The following RARB variants were observed in gnomAD, a reference collection of about 807,000 sequenced individuals.
RARB encodes retinoic acid receptor beta.
A neutral mutation model predicts 51.9 loss-of-function variants in RARB; 17 were observed. The observed-to-expected ratio is 0.33, with a 90% CI of 0.22 to 0.49. The LOEUF is 0.49. Among genes scored for constraint, RARB ranks in the 20% least tolerant of loss-of-function variants. The probability of loss-of-function intolerance (pLI) is 0.99; values close to 1 mark genes in which losing one functional copy is unlikely to be tolerated. For missense variants in RARB, 369 were observed against 550.8 expected (o/e 0.67, Z 3.30); for synonymous variants, 215 against 195.4 (o/e 1.10, Z -0.84).
chr3:25,208,080 C>G (rs1445778958), intron 5 of RARB, among the ~76,000 whole-genome samples: 1 of 152,084 alleles, frequency 6.6e-6, no homozygotes, highest in Non-Finnish European at 1.5e-5. Context: ...CTCATGAGTA[C>G]TCACTCATTA....
At chr3:25,241,753 G>T (rs1430080691) in intron 5 of RARB, among the ~76,000 whole-genome samples, 1 of 152,110 alleles carries the variant, frequency 6.6e-6, no homozygotes, top group Non-Finnish European at 1.5e-5. Flanking sequence ...CTTTGCTATT[G>T]TGAATAGTGC....
At chr3:25,342,796 G>C (rs1051044119) in intron 5 of RARB, among the ~76,000 whole-genome samples, 2 of 152,096 alleles carry the variant, frequency 1.3e-5, no homozygotes, top group East Asian at 1.9e-4. Context: ...AACAGAGACG[G>C]TAGGTAGCAC....
intron 4 of RARB, among the ~76,000 whole-genome samples, chr3:25,168,089 A>C (rs2125349950): frequency 6.6e-6 from 1 of 152,362 alleles, no homozygotes; most frequent in African/African-American, 2.4e-5. Context: ...CAGACTAGAG[A>C]ATTTGGCAGA....
chr3:25,123,642 ACTT>A (rs996639099), intron 3 of RARB, among the ~76,000 whole-genome samples: 1 of 152,132 alleles, frequency 6.6e-6, no homozygotes, highest in African/African-American at 2.4e-5. Flanking sequence ...CAAACTAAAA[ACTT>A]CTTGTTTAAG....
At chr3:25,181,895 A>C (rs1326165153) in intron 5 of RARB, among the ~76,000 whole-genome samples, 3 of 152,176 alleles carry the variant, frequency 2.0e-5, no homozygotes, top group Non-Finnish European at 4.4e-5. Flanking sequence ...AACTTGTGTC[A>C]ATCTGCATTC....
chr3:25,459,660 A>T (rs948909992), intron 1 of RARB, among the ~76,000 whole-genome samples: 5 of 152,156 alleles, frequency 3.3e-5, no homozygotes, highest in African/African-American at 1.2e-4. Context: ...CAGGATAGTG[A>T]TGTGGGGATG....
chr3:25,053,341 C>T (rs983470691), intron 2 of RARB, among the ~76,000 whole-genome samples: 6 of 152,150 alleles, frequency 3.9e-5, no homozygotes, highest in Non-Finnish European at 7.4e-5. Context: ...CTTTTTCTCT[C>T]ACAAGACTGC....
intron 2 of RARB, among the ~76,000 whole-genome samples, chr3:25,024,229 T>G (rs950437319): frequency 2.0e-5 from 3 of 152,220 alleles, no homozygotes. Flanking sequence ...ACTTTAGATC[T>G]GTCTTTTCTA....
rs1213040151 is a variant in RARB at position 25,428,435 on chromosome 3, G to C, written c.-297G>C. 10 of 1,268,562 alleles carry C rather than the reference G, an allele frequency of 7.9e-6. No homozygotes were observed. In the Admixed American group the frequency reaches 1.9e-4, roughly 24 times the overall value. The allele number at this position is 1,268,562 out of a possible 1,614,324, so 78.6% of individuals were successfully genotyped here. On this transcript the variant is annotated 5_prime_UTR_variant, in exon 1 of 8. Coordinates refer to ENST00000330688, the MANE Select transcript of RARB (RefSeq NM_000965.5). ...TCGGGGTAGGATCCGGAACGCATTC[G>C]GAAGGCTTTTTGCAAGCATTTACTT...
At chr3:25,572,777 C>T (rs577558845) in intron 4 of RARB, among the ~76,000 whole-genome samples, 1 of 152,228 alleles carries the variant, frequency 6.6e-6, no homozygotes, top group East Asian at 1.9e-4. Context: ...ATGGCAATAC[C>T]TAGGGCCAGT....
intron 3 of RARB, among the ~76,000 whole-genome samples, chr3:25,093,799 G>A (rs559109302): frequency 6.6e-6 from 1 of 152,102 alleles, no homozygotes; most frequent in South Asian, 2.1e-4. Context: ...ACATGAGGAC[G>A]ATTTCCCACA....
At chr3:25,006,499 G>A (rs1697275439) in intron 2 of RARB, among the ~76,000 whole-genome samples, 1 of 152,004 alleles carries the variant, frequency 6.6e-6, no homozygotes. Context: ...TACTTTTTTG[G>A]CATCCTATCT....
chr3:25,181,864 A>G (rs1700868486), intron 5 of RARB, among the ~76,000 whole-genome samples: 2 of 152,152 alleles, frequency 1.3e-5, no homozygotes, highest in Non-Finnish European at 1.5e-5. Flanking sequence ...TGTTCTCGGT[A>G]TTCAAGTCAC....
At chr3:25,242,823 A>C (rs1418877235) in intron 5 of RARB, among the ~76,000 whole-genome samples, 1 of 152,134 alleles carries the variant, frequency 6.6e-6, no homozygotes, top group African/African-American at 2.4e-5. Context: ...AATTTAAAGA[A>C]GTTTTTTCCA....
At chr3:25,136,762 G>A (rs1700036963) in intron 4 of RARB, among the ~76,000 whole-genome samples, 1 of 152,004 alleles carries the variant, frequency 6.6e-6, no homozygotes, top group South Asian at 2.1e-4. Flanking sequence ...TGGGGGGAGA[G>A]TTTGGGGATG....
At chr3:24,869,838 C>A (rs145007499) in intron 2 of RARB, among the ~76,000 whole-genome samples, 17 of 152,182 alleles carry the variant, frequency 1.1e-4, no homozygotes, top group African/African-American at 3.9e-4. Flanking sequence ...GTTTATCATT[C>A]TGCTATTTGT....
At chr3:24,845,520 T>C (rs2125332513) in intron 1 of RARB, among the ~76,000 whole-genome samples, 1 of 152,308 alleles carries the variant, frequency 6.6e-6, no homozygotes, top group Non-Finnish European at 1.5e-5. Flanking sequence ...TGATGGGGCA[T>C]GTTTTCTCAC....
chr3:24,955,344 G>C (rs1301923120), intron 2 of RARB, among the ~76,000 whole-genome samples: 2 of 151,494 alleles, frequency 1.3e-5, no homozygotes, highest in South Asian at 4.2e-4. Flanking sequence ...GCCAGCTGAG[G>C]TCTGGGGTTT....
chr3:25,322,110 C>T (rs758269802), intron 5 of RARB, among the ~76,000 whole-genome samples: 8 of 150,882 alleles, frequency 5.3e-5, no homozygotes, highest in Non-Finnish European at 7.4e-5. Flanking sequence ...AGATGAATAG[C>T]GCAGCATTGG....
Sources: allele counts gnomAD v4.1 joint callset (sites outside exome capture counted in the v4.1 genomes callset), GRCh38; gene constraint gnomAD v4.1.1; transcripts MANE v1.5; gene names NCBI Gene and HGNC (gene_info 2026-07-23, HGNC 2026-07-21).